The following LINGO2 variants were observed in gnomAD, a reference collection of about 807,000 sequenced individuals.
The protein encoded by LINGO2 is leucine rich repeat and Ig domain containing 2, also known as leucine-rich repeat and immunoglobulin-like domain-containing nogo receptor-interacting protein 2.
LINGO2 carries 14 observed loss-of-function variants against 30.6 expected under a neutral mutation model. The ratio of observed to expected loss-of-function variants is 0.46; its 90% CI spans 0.30 to 0.72. The LOEUF (loss-of-function observed/expected upper bound fraction) is 0.72. Among genes scored for constraint, LINGO2 ranks in the 30% least tolerant of loss-of-function variants. The pLI, the probability that LINGO2 is intolerant of heterozygous loss-of-function variation, is 0.07. For missense variants in LINGO2, 729 were observed against 751.7 expected, an observed-to-expected ratio of 0.97 and a Z score of 0.35; for synonymous variants, 317 against 288.5, an observed-to-expected ratio of 1.10 and a Z score of -1.00.
chr9:28,653,937 G>C (rs965645163), intron 1 of LINGO2, among the ~76,000 whole-genome samples: 2 of 151,972 alleles, frequency 1.3e-5, no homozygotes, highest in African/African-American at 4.8e-5. Context: ...CAACATTATA[G>C]CTATAATAAA....
the LINGO2 span, among the ~76,000 whole-genome samples, chr9:28,827,758 G>T: frequency 6.6e-6 from 1 of 152,052 alleles, no homozygotes; most frequent in Non-Finnish European, 1.5e-5. Context: ...TGCAGCAAAA[G>T]ATATTTTATT....
In LINGO2 at chr9:28,506,479, C is replaced by CATATATATAT. The variant is rs1262674322; in HGVS notation, c.-364-30455_-364-30454insATATATATAT. Among the ~76,000 whole-genome samples, 108 of 11,322 alleles carry CATATATATAT rather than the reference C, an allele frequency of 9.5e-3. 2 individuals carry two copies. Among genetic ancestry groups the CATATATATAT allele is most frequent in the African/African-American group, 0.015 (96 of 6,418 alleles). The allele number at this position is 11,322 out of a possible 152,430, so 7.4% of individuals were successfully genotyped here. A position where few individuals can be genotyped will look rare whatever the true frequency, so the allele number is the denominator to read the frequency against. On this transcript the variant is annotated intron_variant, in intron 1 of 5. Coordinates refer to ENST00000379992, the Ensembl canonical transcript of LINGO2. The stretch of plus-strand genomic sequence containing the variant: ...ACATACACATACACACACACACACA[C>CATATATATAT]ATACACATACACACACACACACAGA...
intron 2 of LINGO2, among the ~76,000 whole-genome samples, chr9:28,452,825 G>A (rs777616659): frequency 5.3e-5 from 8 of 151,812 alleles, no homozygotes; most frequent in Non-Finnish European, 1.0e-4. Flanking sequence ...GCCCAGAGGT[G>A]TGGAAAAAGT....
At chr9:28,283,771 T>A (rs1264025569) in intron 4 of LINGO2, among the ~76,000 whole-genome samples, 1 of 152,132 alleles carries the variant, frequency 6.6e-6, no homozygotes, top group Non-Finnish European at 1.5e-5. Flanking sequence ...ATTAAGGCTG[T>A]TATTTAATTT....
chr9:27,969,081 A>G (rs527822228), intron 5 of LINGO2, among the ~76,000 whole-genome samples: 65 of 151,878 alleles, frequency 4.3e-4, no homozygotes, highest in African/African-American at 1.6e-3. Context: ...TTGAAAGAAA[A>G]CCAATAAATG....
At chr9:28,685,011 T>A in the LINGO2 span, among the ~76,000 whole-genome samples, 2 of 152,142 alleles carry the variant, frequency 1.3e-5, no homozygotes, top group African/African-American at 2.4e-5. Context: ...GGCCCCAGTG[T>A]CTGTCGTTCC....
exon 6 of LINGO2, chr9:27,949,051 T>C: frequency 1.2e-6 from 2 of 1,614,112 alleles, no homozygotes; most frequent in South Asian, 1.1e-5. Flanking sequence ...GACACCAGTA[T>C]TGTTTTAAGG....
the LINGO2 span, among the ~76,000 whole-genome samples, chr9:28,996,694 G>A: frequency 3.9e-5 from 6 of 152,140 alleles, no homozygotes; most frequent in Non-Finnish European, 8.8e-5. Context: ...ACTTCATTCA[G>A]GAATTCTGAG....
the LINGO2 span, among the ~76,000 whole-genome samples, chr9:29,076,019 C>T: frequency 6.6e-6 from 1 of 150,842 alleles, no homozygotes; most frequent in Non-Finnish European, 1.5e-5. Flanking sequence ...TCTCTGTGCA[C>T]CACCACATCT....
intron 3 of LINGO2, among the ~76,000 whole-genome samples, chr9:28,343,271 T>C (rs1350736999): frequency 1.3e-5 from 2 of 152,142 alleles, no homozygotes; most frequent in Admixed American, 6.6e-5. Context: ...GTTTATGACA[T>C]AAATTGCCAA....
the LINGO2 span, among the ~76,000 whole-genome samples, chr9:29,041,023 T>G: frequency 6.6e-6 from 1 of 152,046 alleles, no homozygotes; most frequent in Admixed American, 6.6e-5. Flanking sequence ...AATTTAAGCA[T>G]ATTTTCTATT....
chr9:28,006,117 G>A (rs1165137529), intron 5 of LINGO2, among the ~76,000 whole-genome samples: 1 of 152,000 alleles, frequency 6.6e-6, no homozygotes, highest in African/African-American at 2.4e-5. Context: ...GGAGAGCTTT[G>A]CTACCCATGC....
chr9:28,884,434 A>T, the LINGO2 span, among the ~76,000 whole-genome samples: 1 of 152,162 alleles, frequency 6.6e-6, no homozygotes, highest in Admixed American at 6.5e-5. Context: ...AGTTTTGTTA[A>T]CAAATGGAGA....
chr9:28,081,448 G>A (rs1010967133), intron 4 of LINGO2, among the ~76,000 whole-genome samples: 10 of 152,164 alleles, frequency 6.6e-5, no homozygotes, highest in African/African-American at 2.4e-4. Flanking sequence ...AGCTTGGTAG[G>A]CTTTCATGTG....
chr9:29,036,312 C>T, the LINGO2 span, among the ~76,000 whole-genome samples: 98 of 152,042 alleles, frequency 6.4e-4, no homozygotes, highest in Non-Finnish European at 1.0e-3. Flanking sequence ...TCAAACACTC[C>T]TATGAAATTT....
At chr9:28,648,971 G>A (rs1827966707) in intron 1 of LINGO2, among the ~76,000 whole-genome samples, 1 of 152,046 alleles carries the variant, frequency 6.6e-6, no homozygotes, top group Non-Finnish European at 1.5e-5. Context: ...CCAGGTTTGG[G>A]GCTGAAGCTA....
intron 2 of LINGO2, among the ~76,000 whole-genome samples, chr9:28,462,518 C>A (rs1825124010): frequency 6.6e-6 from 1 of 151,006 alleles, no homozygotes; most frequent in Non-Finnish European, 1.5e-5. Context: ...TTGAAGACCA[C>A]AAATAGGGGG....
At chr9:28,873,568 G>C in the LINGO2 span, among the ~76,000 whole-genome samples, 1 of 151,972 alleles carries the variant, frequency 6.6e-6, no homozygotes, top group African/African-American at 2.4e-5. Flanking sequence ...GCATTACTTT[G>C]ATTGGAATTT....
intron 3 of LINGO2, among the ~76,000 whole-genome samples, chr9:28,346,223 C>T (rs1474978514): frequency 1.3e-5 from 2 of 152,096 alleles, no homozygotes; most frequent in South Asian, 2.1e-4. Context: ...TTCAAGTAGG[C>T]CCCACTGTCT....
Sources: gnomAD v4.1 joint callset for allele counts (sites outside exome capture counted in the v4.1 genomes callset) on GRCh38, gnomAD v4.1.1 for gene constraint, MANE v1.5 for transcripts, NCBI Gene and HGNC (gene_info 2026-07-23, HGNC 2026-07-21) for gene names.